The following SUPT3H variants were observed in gnomAD, a reference collection of about 807,000 sequenced individuals.
The protein encoded by SUPT3H is transcription initiation protein SPT3 homolog.
Under a neutral mutation model 44.3 loss-of-function variants are expected in SUPT3H, and 44 were observed. That is an observed-to-expected ratio of 0.99 (90% CI 0.78 to 1.28). The LOEUF (loss-of-function observed/expected upper bound fraction) is 1.28. SUPT3H is among the 50% of genes most tolerant of loss of function. The probability of loss-of-function intolerance (pLI) is 0.00; values close to 1 mark genes in which losing one functional copy is unlikely to be tolerated. For synonymous variants in SUPT3H, 124 were observed against 125.6 expected, an observed-to-expected ratio of 0.99 and a Z score of 0.09; for missense variants, 380 against 387.1, an observed-to-expected ratio of 0.98 and a Z score of 0.15.
At chr6:45,304,066 T>C (rs1052812388) in intron 2 of SUPT3H, among the ~76,000 whole-genome samples, 2 of 152,030 alleles carry the variant, frequency 1.3e-5, no homozygotes, top group Non-Finnish European at 2.9e-5. Flanking sequence ...GAAAGCTAAA[T>C]ATGTTGGCAG....
rs116710863 is a variant in SUPT3H, at chr6:44,933,639, C to A, written c.802-876G>T. On this transcript the variant is annotated intron_variant, in intron 9 of 10. Transcript: ENST00000371459. Reference sequence around the variant, plus strand: ...CACTTAGAACAATGCCTGACACATGCTAGGAAATTGTTTTATTTTTATAAA... The same window carrying A: ...CACTTAGAACAATGCCTGACACATGATAGGAAATTGTTTTATTTTTATAAA... 5.3e-3 allele frequency among the ~76,000 whole-genome samples: 804 copies of A among 152,150 alleles called. 5 individuals are homozygous for A. The highest frequency in any genetic ancestry group is 0.018 in the African/African-American group (750 of 41,500).
intron 2 of SUPT3H, among the ~76,000 whole-genome samples, chr6:45,136,671 G>A (rs745317537): frequency 6.6e-6 from 1 of 151,730 alleles, no homozygotes; most frequent in Non-Finnish European, 1.5e-5. Flanking sequence ...TTCACTAGAG[G>A]GGCTCAATAG....
chr6:45,062,996 C>A (rs1436318463), intron 3 of SUPT3H, among the ~76,000 whole-genome samples: 2 of 151,470 alleles, frequency 1.3e-5, no homozygotes, highest in Non-Finnish European at 2.9e-5. Flanking sequence ...GTAGGCTCCA[C>A]CTCTGGGGGC....
chr6:44,922,865 T>TC (rs1444292176), intron 10 of SUPT3H, among the ~76,000 whole-genome samples: 1 of 152,152 alleles, frequency 6.6e-6, no homozygotes, highest in Non-Finnish European at 1.5e-5. Flanking sequence ...CAACTTAGTT[T>TC]AGTTTCTCCT....
chr6:45,062,508 G>A (rs1287735930), intron 3 of SUPT3H, among the ~76,000 whole-genome samples: 3 of 152,190 alleles, frequency 2.0e-5, no homozygotes, highest in Non-Finnish European at 2.9e-5. Context: ...CAGCGTGAGC[G>A]ACGCAGAAGA....
intron 3 of SUPT3H, among the ~76,000 whole-genome samples, chr6:45,084,316 TAAA>T (rs1159410450): frequency 6.6e-6 from 1 of 151,898 alleles, no homozygotes; most frequent in East Asian, 1.9e-4. Context: ...ATGATCCCAT[TAAA>T]AAGTGGGCAA....
intron 2 of SUPT3H, among the ~76,000 whole-genome samples, chr6:45,268,660 T>C (rs1389866112): frequency 6.6e-6 from 1 of 151,608 alleles, no homozygotes; most frequent in Non-Finnish European, 1.5e-5. Context: ...ACCATAACTA[T>C]TCAACAAAAC....
At chr6:45,026,038 G>A (rs1449631211) in intron 3 of SUPT3H, among the ~76,000 whole-genome samples, 1 of 152,148 alleles carries the variant, frequency 6.6e-6, no homozygotes, top group Non-Finnish European at 1.5e-5. Flanking sequence ...AATGGTAAAC[G>A]GTAGGAGTTG....
intron 5 of SUPT3H, 44 bp downstream of exon 5, chr6:45,014,757 G>T: frequency 3.6e-6 from 5 of 1,371,602 alleles, no homozygotes; most frequent in Non-Finnish European, 5.0e-6. Flanking sequence ...CAGCACACAT[G>T]TGTCATAAGC....
intron 2 of SUPT3H, among the ~76,000 whole-genome samples, chr6:45,230,616 T>G (rs1006872758): frequency 2.8e-4 from 39 of 140,772 alleles, no homozygotes; most frequent in Admixed American, 2.5e-3. Flanking sequence ...GAAGTACACT[T>G]CTGGTAGTAA....
chr6:45,138,114 G>GTA (rs1804608590), intron 2 of SUPT3H, among the ~76,000 whole-genome samples: 2 of 151,960 alleles, frequency 1.3e-5, no homozygotes, highest in Admixed American at 6.6e-5. Flanking sequence ...ATGCTCAACA[G>GTA]TATTAGTCAT....
chr6:45,021,170 G>A (rs1785080192), intron 3 of SUPT3H, among the ~76,000 whole-genome samples: 1 of 151,746 alleles, frequency 6.6e-6, no homozygotes, highest in Non-Finnish European at 1.5e-5. Flanking sequence ...TCATAATACT[G>A]GACTGCATTA....
At chr6:45,253,848 C>CATATATATATATGTATATATATATAT (rs1772812748) in intron 2 of SUPT3H, among the ~76,000 whole-genome samples, 1 of 88,748 alleles carries the variant, frequency 1.1e-5, no homozygotes, top group Non-Finnish European at 2.2e-5. Flanking sequence ...CACATATACG[C>CATATATATATATGTATATATATATAT]ATATATATAT....
chr6:45,169,216 G>A (rs1201516463), intron 2 of SUPT3H, among the ~76,000 whole-genome samples: 1 of 152,130 alleles, frequency 6.6e-6, no homozygotes, highest in Non-Finnish European at 1.5e-5. Flanking sequence ...GTATAATTTG[G>A]TCTCACATAA....
chr6:45,263,327 T>C (rs1774704106), intron 2 of SUPT3H, among the ~76,000 whole-genome samples: 1 of 152,162 alleles, frequency 6.6e-6, no homozygotes, highest in Admixed American at 6.5e-5. Flanking sequence ...TTATGTCCTT[T>C]GCAGAAATAC....
chr6:44,832,779 C>T (rs1732052932), intron 10 of SUPT3H, among the ~76,000 whole-genome samples: 1 of 152,000 alleles, frequency 6.6e-6, no homozygotes. Context: ...TGTCAATCTA[C>T]CTGGATAAGC....
intron 2 of SUPT3H, among the ~76,000 whole-genome samples, chr6:45,354,601 A>T (rs1237355355): frequency 6.8e-6 from 1 of 148,132 alleles, no homozygotes; most frequent in African/African-American, 2.5e-5. Context: ...GATTTATTCA[A>T]ACAGTAACTA....
intron 4 of SUPT3H, among the ~76,000 whole-genome samples, chr6:45,017,054 T>C (rs1479224961): frequency 6.6e-6 from 1 of 151,798 alleles, no homozygotes; most frequent in Non-Finnish European, 1.5e-5. Flanking sequence ...TGTGAGATGG[T>C]ATCTCATTGT....
At chr6:45,342,851 A>G (rs908643125) in intron 2 of SUPT3H, among the ~76,000 whole-genome samples, 1 of 152,196 alleles carries the variant, frequency 6.6e-6, no homozygotes. Flanking sequence ...AAGTCCTCCA[A>G]TTACAAGATA....
Sources: allele counts gnomAD v4.1 joint callset (sites outside exome capture counted in the v4.1 genomes callset), GRCh38; gene constraint gnomAD v4.1.1; transcripts MANE v1.5; gene names NCBI Gene and HGNC (gene_info 2026-07-23, HGNC 2026-07-21).